Variants in BRWD1 observed in about 807,000 individuals in gnomAD.
The protein encoded by BRWD1 is bromodomain and WD repeat domain containing 1.
Under a neutral mutation model 251.2 loss-of-function variants are expected in BRWD1, and 82 were observed. The observed-to-expected ratio is 0.33, with a 90% CI of 0.27 to 0.39. The LOEUF (loss-of-function observed/expected upper bound fraction) is 0.39, where lower values mean the gene tolerates loss of function less well. BRWD1 is among the 10% of genes least tolerant of loss of function. The pLI, the probability that BRWD1 is intolerant of heterozygous loss-of-function variation, is 1.00. For missense variants in BRWD1, 2,233 were observed against 2,711.6 expected (o/e 0.82, Z 3.92); for synonymous variants, 918 against 902.8 (o/e 1.02, Z -0.30).
intron 21 of BRWD1, among the ~76,000 whole-genome samples, chr21:39,242,692 G>A (rs934696152): frequency 2.6e-5 from 4 of 152,112 alleles, no homozygotes; most frequent in Non-Finnish European, 5.9e-5. Context: ...TCTTGTTAGG[G>A]CTAATGCAGC....
intron 4 of BRWD1, among the ~76,000 whole-genome samples, chr21:39,299,297 A>G (rs1211932849): frequency 6.6e-6 from 1 of 152,148 alleles, no homozygotes; most frequent in Admixed American, 6.5e-5. Context: ...AGTGAAGCAT[A>G]CATCTTTGAG....
At chr21:39,227,785 G>GA (rs2033440973) in intron 27 of BRWD1, among the ~76,000 whole-genome samples, 1 of 152,090 alleles carries the variant, frequency 6.6e-6, no homozygotes, top group African/African-American at 2.4e-5. Context: ...TGTGAAATCT[G>GA]AAATTACTCT....
chr21:39,269,862 A>T, intron 15 of BRWD1, 37 bp downstream of exon 15: 1 of 1,422,954 alleles, frequency 7.0e-7, no homozygotes, highest in Non-Finnish European at 9.3e-7. Flanking sequence ...TAAACAAATT[A>T]TCAAGCATGT....
intron 4 of BRWD1, among the ~76,000 whole-genome samples, chr21:39,307,295 AT>A (rs1383198635): frequency 6.6e-6 from 1 of 152,190 alleles, no homozygotes; most frequent in Non-Finnish European, 1.5e-5. Context: ...CTAACCATGA[AT>A]TTTCTAAGAC....
At chr21:39,231,594 C>G (rs1251015354) in intron 25 of BRWD1, among the ~76,000 whole-genome samples, 1 of 151,966 alleles carries the variant, frequency 6.6e-6, no homozygotes, top group African/African-American at 2.4e-5. Flanking sequence ...TTAAAAGTTC[C>G]AAATATTTTT....
Position 39,187,494 on chromosome 21 carries a change from C to A in BRWD1, c.*8765G>T, listed in dbSNP as rs2031308263. ...TTTTACTACTGCTAACATTCCTCAA[C>A]AACACTCATTCGGAAACAATAAATT... On this transcript the variant is annotated 3_prime_UTR_variant, in exon 41 of 41. Transcript: ENST00000342449. 3 of 1,476,198 alleles carry A rather than the reference C, an allele frequency of 2.0e-6. No homozygotes were observed. Among genetic ancestry groups the A allele is most frequent in the East Asian group, 4.7e-5 (2 of 42,810 alleles). The allele number at this position is 1,476,198 out of a possible 1,614,324, so 91.4% of individuals were successfully genotyped here.
upstream of BRWD1, chr21:39,314,576 C>T: frequency 2.9e-6 from 1 of 347,528 alleles, no homozygotes; most frequent in South Asian, 2.2e-5. Context: ...CCAGAAAATT[C>T]CCTTGTCTTG....
At chr21:39,216,432 G>A (rs2032895178) in intron 31 of BRWD1, among the ~76,000 whole-genome samples, 1 of 152,176 alleles carries the variant, frequency 6.6e-6, no homozygotes, top group Admixed American at 6.5e-5. Flanking sequence ...TGAGGGTTGA[G>A]GCCCTGACTC....
Position 39,190,890 on chromosome 21 carries a change from GCACCA to G in BRWD1, c.*5364_*5368del. ...TTAGGGTTCATTTACTCAATGATGG[GCACCA>G]CACAACTCTGAATTTTTGTTCTTAT... On this transcript the variant is annotated 3_prime_UTR_variant, in exon 41 of 41. Transcript: ENST00000342449. 3 of 985,260 alleles carry G rather than the reference GCACCA, an allele frequency of 3.0e-6. No homozygotes were observed. The highest frequency in any genetic ancestry group is 3.5e-5 in the African/African-American group (2 of 57,308). The allele number at this position is 985,260 out of a possible 1,614,324, so 61.0% of individuals were successfully genotyped here.
intron 15 of BRWD1, among the ~76,000 whole-genome samples, chr21:39,267,531 G>A (rs777259635): frequency 2.6e-5 from 4 of 151,950 alleles, no homozygotes; most frequent in African/African-American, 9.7e-5. Flanking sequence ...CCCGGGAGGC[G>A]GAGCTTGCAG....
chr21:39,277,421 T>A, intron 10 of BRWD1, 70 bp from the exon 11 acceptor site: 1 of 968,376 alleles, frequency 1.0e-6, no homozygotes, highest in Admixed American at 3.4e-5. Flanking sequence ...AATTTCCATA[T>A]TAAAATATAA....
At position 39,187,172 on chromosome 21, in the gene BRWD1, A is replaced by C. The variant is rs201173910; in HGVS notation, c.*9087T>G. 72 of 1,613,818 alleles carry C rather than the reference A, an allele frequency of 4.5e-5. No homozygotes were observed. The East Asian group carries it at 9.1e-4, about 20-fold the overall frequency. ...AGTAATTTTTTCTTAGCCGCAGCAG[A>C]AGCATTTCGATGGGGCAGTTTTCTG... On this transcript the variant is annotated 3_prime_UTR_variant, in exon 41 of 41. Transcript: ENST00000342449.
chr21:39,230,354 G>T (rs2033561837), intron 25 of BRWD1, among the ~76,000 whole-genome samples: 2 of 152,118 alleles, frequency 1.3e-5, no homozygotes, highest in South Asian at 2.1e-4. Flanking sequence ...CTGAACAAAT[G>T]TTATTATTAT....
chr21:39,233,153 G>C (rs2033684044), intron 23 of BRWD1, among the ~76,000 whole-genome samples: 2 of 152,088 alleles, frequency 1.3e-5, no homozygotes, highest in African/African-American at 2.4e-5. Context: ...CAGCTAAGGA[G>C]AGACCTGTGT....
rs570787309 is a variant in BRWD1, at chr21:39,284,642, C to T, written c.832-4394G>A. ...TTCTGACTGGGGTGAGGTAGTATCT[C>T]ACTGTGGTTTTGATTTGCATTTTCC... On this transcript the variant is annotated intron_variant, in intron 8 of 40. Coordinates refer to ENST00000342449, the MANE Select transcript of BRWD1 (RefSeq NM_033656.4). Among the ~76,000 whole-genome samples, 6 of 152,300 alleles carry T rather than the reference C, an allele frequency of 3.9e-5. No individual in the cohort carries two copies. The South Asian group carries it at 1.2e-3, about 32-fold the overall frequency.
In BRWD1 at chr21:39,195,878, G is replaced by C; in HGVS notation, c.*381C>G. On this transcript the variant is annotated 3_prime_UTR_variant, in exon 41 of 41. Coordinates refer to ENST00000342449, the MANE Select transcript of BRWD1 (RefSeq NM_033656.4). ...ATTGTTGTAACTACTATAGAACAGG[G>C]GTTAGAAACTACTGCCTCTTTGACA... The C allele has an allele frequency of 3.0e-6, 3 of 999,232 alleles. No homozygotes were observed. Among genetic ancestry groups the C allele is most frequent in the Non-Finnish European group, 3.6e-6 (3 of 839,568 alleles). The allele number at this position is 999,232 out of a possible 1,614,324, so 61.9% of individuals were successfully genotyped here. A position where few individuals can be genotyped will look rare whatever the true frequency, so the allele number is the denominator to read the frequency against.
chr21:39,245,560 A>G (rs576334518), intron 21 of BRWD1, among the ~76,000 whole-genome samples: 1 of 151,916 alleles, frequency 6.6e-6, no homozygotes, highest in South Asian at 2.1e-4. Context: ...TTACTCAGTC[A>G]GGAAATTTTA....
chr21:39,222,138 A>AT (rs2033203254), intron 29 of BRWD1, among the ~76,000 whole-genome samples: 1 of 152,098 alleles, frequency 6.6e-6, no homozygotes, highest in South Asian at 2.1e-4. Flanking sequence ...CAAAAAAACC[A>AT]TTTGTCAGCC....
At chr21:39,272,008 CAAAA>C (rs376900840) in intron 13 of BRWD1, among the ~76,000 whole-genome samples, 2 of 115,192 alleles carry the variant, frequency 1.7e-5, no homozygotes, top group Non-Finnish European at 1.7e-5. Flanking sequence ...CACTCCATTT[CAAAA>C]AAAAAAAAAA....
Sources: allele counts gnomAD v4.1 joint callset (sites outside exome capture counted in the v4.1 genomes callset), GRCh38; gene constraint gnomAD v4.1.1; transcripts MANE v1.5; gene names NCBI Gene and HGNC (gene_info 2026-07-23, HGNC 2026-07-21).